The following PRKN variants were observed in gnomAD, a reference collection of about 807,000 sequenced individuals.
PRKN encodes E3 ubiquitin-protein ligase parkin.
PRKN carries 56 observed loss-of-function variants against 59.5 expected under a neutral mutation model. That is an observed-to-expected ratio of 0.94 (90% CI 0.76 to 1.18). The LOEUF is 1.18. Among genes scored for constraint, PRKN ranks in the 50% most tolerant of loss-of-function variants. PRKN has a pLI of 0.00. For synonymous variants in PRKN, 250 were observed against 222.1 expected (o/e 1.13, Z -1.12); for missense variants, 657 against 596.4 (o/e 1.10, Z -1.06).
chr6:162,309,210 G>C (rs1056376967), intron 2 of PRKN, among the ~76,000 whole-genome samples: 16 of 152,066 alleles, frequency 1.1e-4, no homozygotes, highest in Non-Finnish European at 1.8e-4. Flanking sequence ...ACCCAGCCTG[G>C]AGTGCAGTGG....
chr6:161,757,867 C>CTG (rs1392431780), intron 7 of PRKN, among the ~76,000 whole-genome samples: 10 of 99,576 alleles, frequency 1.0e-4, no homozygotes, highest in East Asian at 6.0e-4. Flanking sequence ...CTCTCTCTCT[C>CTG]TCTCTGTGTA....
chr6:161,886,080 ATAC>A (rs1338368636), intron 6 of PRKN, among the ~76,000 whole-genome samples: 2 of 152,238 alleles, frequency 1.3e-5, no homozygotes, highest in Non-Finnish European at 2.9e-5. Flanking sequence ...AAATAAAATG[ATAC>A]TAATAATATA....
At chr6:161,618,941 C>T (rs1782791101) in intron 7 of PRKN, among the ~76,000 whole-genome samples, 1 of 152,132 alleles carries the variant, frequency 6.6e-6, no homozygotes, top group East Asian at 1.9e-4. Context: ...ACTTCGCATT[C>T]ATCTTCATTC....
At chr6:162,173,740 C>A (rs558544959) in intron 4 of PRKN, among the ~76,000 whole-genome samples, 1 of 152,222 alleles carries the variant, frequency 6.6e-6, no homozygotes, top group South Asian at 2.1e-4. Context: ...TCCCAGAGTT[C>A]AAATTCTGGC....
At chr6:161,716,061 T>C in intron 7 of PRKN, 1 of 1,299,224 alleles carries the variant, frequency 7.7e-7, no homozygotes, top group Non-Finnish European at 1.0e-6. Context: ...CATGCTGTGC[T>C]GGGCCCATCT....
At chr6:162,002,060 CAT>C (rs1286055830) in intron 5 of PRKN, among the ~76,000 whole-genome samples, 1 of 151,868 alleles carries the variant, frequency 6.6e-6, no homozygotes, top group South Asian at 2.1e-4. Flanking sequence ...TTGATTTGCT[CAT>C]ATTTTATTGA....
intron 1 of PRKN, among the ~76,000 whole-genome samples, chr6:162,671,432 G>T (rs1341004759): frequency 6.6e-6 from 1 of 151,542 alleles, no homozygotes; most frequent in Non-Finnish European, 1.5e-5. Flanking sequence ...CCGGAAGGCG[G>T]AGGATGCAGT....
At position 161,460,860 on chromosome 6, in the gene PRKN, C is replaced by T. The variant is rs566634944; in HGVS notation, c.1084-73983G>A. Among the ~76,000 whole-genome samples the T allele has an allele frequency of 8.4e-4, 128 of 152,066 alleles. 1 individual carries two copies. Among genetic ancestry groups the T allele is most frequent in the African/African-American group, 3.0e-3 (126 of 41,508 alleles). ...AGACTCCCTGGTTCAAGCAATTCTC[C>T]TGCCTCGGCCTCCCAAGTAGCTGGG... is the stretch of plus-strand genomic sequence containing the variant. On this transcript the variant is annotated intron_variant, in intron 9 of 11. Transcript: ENST00000366898. This position sits in a 1 kb window ranked among gnomAD's most constrained non-coding sequence, Gnocchi z 5.0.
rs946006657 is a variant in PRKN at position 161,413,370 on chromosome 6, T to C, written c.1084-26493A>G. Among the ~76,000 whole-genome samples the C allele has an allele frequency of 5.9e-5, 9 of 152,188 alleles. No individual in the cohort carries two copies. The highest frequency in any genetic ancestry group is 5.9e-4 in the Admixed American group (9 of 15,276). On this transcript the variant is annotated intron_variant, in intron 9 of 11. Coordinates refer to ENST00000366898, the MANE Select transcript of PRKN (RefSeq NM_004562.3). The surrounding 1 kb of genome is among the most constrained non-coding windows in gnomAD (Gnocchi z 4.4). Reference sequence around the variant, plus strand: ...CTTTCCATTAGAAGAAGAATTCATATACACATACTGCAGCAAAGGGAATGA... The same window carrying C: ...CTTTCCATTAGAAGAAGAATTCATACACACATACTGCAGCAAAGGGAATGA...
chr6:162,592,679 G>T (rs1781356064), intron 1 of PRKN, among the ~76,000 whole-genome samples: 1 of 152,034 alleles, frequency 6.6e-6, no homozygotes, highest in Non-Finnish European at 1.5e-5. Flanking sequence ...ATTTGATGGA[G>T]AAATAAAACC....
chr6:162,293,040 G>T (rs1280157400), intron 2 of PRKN, among the ~76,000 whole-genome samples: 1 of 152,150 alleles, frequency 6.6e-6, no homozygotes, highest in East Asian at 1.9e-4. Context: ...TTTCCAAAGG[G>T]TGCTGGCTCA....
chr6:161,895,853 G>A (rs1361198542), intron 6 of PRKN, among the ~76,000 whole-genome samples: 1 of 152,196 alleles, frequency 6.6e-6, no homozygotes, highest in Non-Finnish European at 1.5e-5. Context: ...TGGGGGTAAG[G>A]GGCAGGGTTG....
intron 1 of PRKN, among the ~76,000 whole-genome samples, chr6:162,574,767 GTT>G (rs11319727): frequency 1.0e-4 from 14 of 133,568 alleles, no homozygotes; most frequent in Admixed American, 1.5e-4. Flanking sequence ...ATACTAAGTT[GTT>G]TTTTTTTTTT....
intron 6 of PRKN, among the ~76,000 whole-genome samples, chr6:161,897,562 T>A (rs1215499675): frequency 6.6e-6 from 1 of 152,164 alleles, no homozygotes; most frequent in Admixed American, 6.5e-5. Context: ...AAATGATAAA[T>A]AACAGATGTG....
intron 7 of PRKN, among the ~76,000 whole-genome samples, chr6:161,714,850 C>A (rs1583043800): frequency 6.6e-6 from 1 of 152,132 alleles, no homozygotes; most frequent in South Asian, 2.1e-4. Context: ...CCCACCGCCA[C>A]CCCACAAAGA....
chr6:161,766,355 T>A (rs1789424458), intron 7 of PRKN, among the ~76,000 whole-genome samples: 1 of 147,190 alleles, frequency 6.8e-6, no homozygotes, highest in Non-Finnish European at 1.5e-5. Flanking sequence ...GTCACCAGGC[T>A]GGAGTGCAGT....
chr6:161,877,928 C>T (rs971825612), intron 6 of PRKN, among the ~76,000 whole-genome samples: 13 of 152,032 alleles, frequency 8.6e-5, no homozygotes, highest in East Asian at 1.9e-4. Context: ...TGCAGTATGG[C>T]GCTCAATGAG....
At chr6:162,282,606 T>C (rs1012243697) in intron 2 of PRKN, among the ~76,000 whole-genome samples, 1 of 152,206 alleles carries the variant, frequency 6.6e-6, no homozygotes, top group African/African-American at 2.4e-5. Flanking sequence ...ATCTAAACAG[T>C]CATCAATATT....
intron 9 of PRKN, among the ~76,000 whole-genome samples, chr6:161,455,861 CAAAAAAAAAAAA>C (rs60382394): frequency 1.4e-5 from 1 of 72,802 alleles, no homozygotes; most frequent in Admixed American, 1.5e-4. Context: ...GACTCCGTCT[CAAAAAAAAAAAA>C]AAAAAAATTA....
Sources: allele counts gnomAD v4.1 joint callset (sites outside exome capture counted in the v4.1 genomes callset), GRCh38; gene constraint gnomAD v4.1.1; non-coding constraint Gnocchi (gnomAD v3.1); transcripts MANE v1.5; gene names NCBI Gene and HGNC (gene_info 2026-07-23, HGNC 2026-07-21).